Variants in PDE10A observed in about 807,000 individuals in gnomAD.
PDE10A encodes cAMP and cAMP-inhibited cGMP 3',5'-cyclic phosphodiesterase 10A.
In PDE10A, 39 loss-of-function variants were observed where a neutral mutation model predicts 97.7. That is an observed-to-expected ratio of 0.40 (90% CI 0.31 to 0.52). PDE10A has a LOEUF of 0.52. PDE10A is among the 20% of genes least tolerant of loss of function. The probability of loss-of-function intolerance (pLI) is 0.56; values close to 1 mark genes in which losing one functional copy is unlikely to be tolerated. For missense variants in PDE10A, 731 were observed against 1,047.8 expected, an observed-to-expected ratio of 0.70 and a Z score of 4.17; for synonymous variants, 371 against 376.8, an observed-to-expected ratio of 0.98 and a Z score of 0.18.
intron 1 of PDE10A, among the ~76,000 whole-genome samples, chr6:165,597,624 C>T (rs1363975930): frequency 2.6e-5 from 4 of 152,164 alleles, no homozygotes; most frequent in African/African-American, 9.7e-5. Context: ...CAAAGACTTA[C>T]GTGCATTTTA....
At chr6:165,573,549 A>G (rs1785155310) in intron 1 of PDE10A, among the ~76,000 whole-genome samples, 1 of 152,204 alleles carries the variant, frequency 6.6e-6, no homozygotes, top group African/African-American at 2.4e-5. Flanking sequence ...TATGAGACAT[A>G]TTGAACTATG....
chr6:165,562,737 G>T (rs1304375301), intron 1 of PDE10A, among the ~76,000 whole-genome samples: 1 of 152,160 alleles, frequency 6.6e-6, no homozygotes, highest in Non-Finnish European at 1.5e-5. Context: ...AGGAACAGGA[G>T]AATTGTCACA....
intron 1 of PDE10A, among the ~76,000 whole-genome samples, chr6:165,892,296 A>C (rs1207681911): frequency 1.3e-5 from 2 of 152,164 alleles, no homozygotes; most frequent in Non-Finnish European, 2.9e-5. Context: ...ACAGTCCACA[A>C]GGGACCTCTC....
At chr6:165,461,849 G>A (rs917098978) in intron 3 of PDE10A, among the ~76,000 whole-genome samples, 1 of 152,202 alleles carries the variant, frequency 6.6e-6, no homozygotes. Context: ...ATTATCCAAC[G>A]ATGCCCAACT....
intron 2 of PDE10A, among the ~76,000 whole-genome samples, chr6:165,492,323 T>C (rs1335194516): frequency 6.6e-6 from 1 of 152,124 alleles, no homozygotes; most frequent in East Asian, 1.9e-4. Context: ...TTCCACAAGA[T>C]AGAGAAAGAG....
chr6:165,967,020 A>T (rs1196445091), intron 1 of PDE10A, among the ~76,000 whole-genome samples: 1 of 152,178 alleles, frequency 6.6e-6, no homozygotes, highest in African/African-American at 2.4e-5. Flanking sequence ...CAGAAATTTG[A>T]CTGCTAAGCT....
In PDE10A at chr6:165,328,154, G is replaced by A. The variant is rs1276426359; in HGVS notation, c.*4871C>T. 2 of 152,134 alleles carry A rather than the reference G, an allele frequency of 1.3e-5. No homozygotes were observed. Among genetic ancestry groups the A allele is most frequent in the South Asian group, 2.1e-4 (1 of 4,832 alleles). 9.4% of individuals were successfully genotyped at this position (152,134 alleles called of 1,614,324 possible). A position where few individuals can be genotyped will look rare whatever the true frequency, so the allele number is the denominator to read the frequency against. On this transcript the variant is annotated 3_prime_UTR_variant, in exon 22 of 22. Transcript: ENST00000539869. ...TCTATTACACTCTGAACTTGCACACGAAATGAACACATAGCATATACACCA... is the reference window on the plus strand; with the variant it reads ...TCTATTACACTCTGAACTTGCACACAAAATGAACACATAGCATATACACCA...
At chr6:165,624,953 G>A (rs73251549) in intron 1 of PDE10A, among the ~76,000 whole-genome samples, 3,464 of 152,326 alleles carry the variant, frequency 0.023, 137 homozygotes, top group African/African-American at 0.078. Flanking sequence ...AGGAGGGCCT[G>A]AGCCTCAGGT....
intron 18 of PDE10A, among the ~76,000 whole-genome samples, chr6:165,345,658 C>G (rs1277691719): frequency 6.6e-6 from 1 of 152,100 alleles, no homozygotes; most frequent in East Asian, 1.9e-4. Context: ...AAGGAGGAGC[C>G]CAACACAATG....
At position 165,341,475 on chromosome 6, in the gene PDE10A, G is replaced by A. The variant is rs187377706; in HGVS notation, c.2895+1916C>T. 5.8e-3 allele frequency among the ~76,000 whole-genome samples: 883 copies of A among 152,230 alleles called. 12 individuals carry two copies. Among genetic ancestry groups the A allele is most frequent in the African/African-American group, 0.02 (822 of 41,548 alleles). On this transcript the variant is annotated intron_variant, in intron 19 of 21. Transcript: ENST00000539869. ...CCTTTCTCATAGCAATCCTGTACCT[G>A]AACAAAACGTGCATTTTTAGTATGA...
chr6:165,620,393 G>T (rs33919951), intron 1 of PDE10A, among the ~76,000 whole-genome samples: 25,261 of 152,082 alleles, frequency 0.17, 2,842 homozygotes, highest in African/African-American at 0.32. Flanking sequence ...CTTGAGACAT[G>T]TCGAACCTGA....
At chr6:165,524,182 C>G (rs1782292742) in intron 2 of PDE10A, among the ~76,000 whole-genome samples, 1 of 152,164 alleles carries the variant, frequency 6.6e-6, no homozygotes, top group East Asian at 1.9e-4. Context: ...TGAATTAATA[C>G]TTAATAAACT....
chr6:165,600,476 C>G (rs1017909671), intron 1 of PDE10A, among the ~76,000 whole-genome samples: 2 of 152,246 alleles, frequency 1.3e-5, no homozygotes, highest in African/African-American at 4.8e-5. Context: ...TGTGGCTGTG[C>G]ACGCACATAC....
chr6:165,905,540 T>C (rs1782237204), intron 1 of PDE10A, among the ~76,000 whole-genome samples: 1 of 152,202 alleles, frequency 6.6e-6, no homozygotes, highest in Non-Finnish European at 1.5e-5. Flanking sequence ...AAAACACATA[T>C]GTATATACAT....
Position 165,663,028 on chromosome 6 carries a change from C to A in PDE10A, c.-217G>T, listed in dbSNP as rs1790372035. ...AGGACCCGGGCCTGGGGGCCAGGCCCCGGCGACGGCGCCTGGCTACCCTCA... is the reference window on the plus strand; with the variant it reads ...AGGACCCGGGCCTGGGGGCCAGGCCACGGCGACGGCGCCTGGCTACCCTCA... On this transcript the variant is annotated 5_prime_UTR_variant, in exon 1 of 22. Transcript: ENST00000539869. Among the ~76,000 whole-genome samples the A allele has an allele frequency of 6.6e-6, 1 of 151,498 alleles. No individual in the cohort carries two copies. Among genetic ancestry groups the A allele is most frequent in the African/African-American group, 2.4e-5 (1 of 41,318 alleles).
At chr6:165,396,260 T>C (rs906682539) in intron 14 of PDE10A, 57 bp downstream of exon 14, 1 of 1,518,502 alleles carries the variant, frequency 6.6e-7, no homozygotes, top group Non-Finnish European at 9.1e-7. Context: ...TGTCTCACTT[T>C]AAGTTCAATT....
At chr6:165,620,639 C>T (rs998570156) in intron 1 of PDE10A, among the ~76,000 whole-genome samples, 2 of 152,224 alleles carry the variant, frequency 1.3e-5, no homozygotes, top group African/African-American at 4.8e-5. Context: ...GCCACTGCTT[C>T]ACCTGGTGGC....
chr6:165,960,608 G>A (rs1282866710), intron 1 of PDE10A, among the ~76,000 whole-genome samples: 6 of 152,236 alleles, frequency 3.9e-5, no homozygotes, highest in Non-Finnish European at 8.8e-5. Flanking sequence ...CAGCTAGAAA[G>A]GGTTGTAGAA....
chr6:165,437,177 G>A (rs1790083726), intron 5 of PDE10A, among the ~76,000 whole-genome samples: 1 of 152,120 alleles, frequency 6.6e-6, no homozygotes, highest in African/African-American at 2.4e-5. Context: ...TGCGGGGGGT[G>A]TGGAGGGAGT....
Sources: allele counts gnomAD v4.1 joint callset (sites outside exome capture counted in the v4.1 genomes callset), GRCh38; gene constraint gnomAD v4.1.1; transcripts MANE v1.5; gene names NCBI Gene and HGNC (gene_info 2026-07-23, HGNC 2026-07-21).